CA10: variants seen among roughly 807,000 people sequenced by gnomAD.
The protein encoded by CA10 is carbonic anhydrase 10 (inactive), also known as carbonic anhydrase-related protein 10.
A neutral mutation model predicts 44.2 loss-of-function variants in CA10; 14 were observed. The ratio of observed to expected loss-of-function variants is 0.32; its 90% CI spans 0.21 to 0.50. The LOEUF (loss-of-function observed/expected upper bound fraction) is 0.50. Ranked by LOEUF, CA10 falls within the 20% of genes least tolerant of loss-of-function variation. The pLI is 0.99. For synonymous variants in CA10, 159 were observed against 141.6 expected (o/e 1.12, Z -0.87); for missense variants, 350 against 409.7 (o/e 0.85, Z 1.26).
At chr17:52,078,514 T>C (rs1987877520) in intron 1 of CA10, among the ~76,000 whole-genome samples, 1 of 152,352 alleles carries the variant, frequency 6.6e-6, no homozygotes, top group East Asian at 1.9e-4. Context: ...TTCATTTTAA[T>C]GTAATGGTAG....
At chr17:52,140,795 G>C (rs569858887) in intron 1 of CA10, among the ~76,000 whole-genome samples, 1 of 152,120 alleles carries the variant, frequency 6.6e-6, no homozygotes, top group Non-Finnish European at 1.5e-5. Context: ...AGCCTAAGCC[G>C]CTGCTTCTTG....
At chr17:52,079,608 G>C (rs1598203801) in intron 1 of CA10, among the ~76,000 whole-genome samples, 1 of 152,254 alleles carries the variant, frequency 6.6e-6, no homozygotes, top group African/African-American at 2.4e-5. Flanking sequence ...GGAGGTTTTA[G>C]TCTCTATCCA....
At chr17:51,668,337 A>G (rs2143338561) in intron 4 of CA10, among the ~76,000 whole-genome samples, 1 of 152,300 alleles carries the variant, frequency 6.6e-6, no homozygotes, top group Non-Finnish European at 1.5e-5. Context: ...AGAGAAACCC[A>G]GCTCTTGCAG....
chr17:51,788,411 T>A (rs753301835), intron 3 of CA10, among the ~76,000 whole-genome samples: 11 of 152,210 alleles, frequency 7.2e-5, no homozygotes, highest in Non-Finnish European at 1.3e-4. Context: ...AGGAAACAAA[T>A]GTGTATTCTG....
At chr17:51,844,262 A>G (rs1203268771) in intron 3 of CA10, among the ~76,000 whole-genome samples, 1 of 152,204 alleles carries the variant, frequency 6.6e-6, no homozygotes, top group Non-Finnish European at 1.5e-5. Flanking sequence ...AATACTTGAA[A>G]TTTGTAAAAT....
intron 4 of CA10, among the ~76,000 whole-genome samples, chr17:51,734,266 A>G (rs932457295): frequency 3.9e-5 from 6 of 151,962 alleles, no homozygotes; most frequent in Non-Finnish European, 7.4e-5. Flanking sequence ...TCCTTAATCA[A>G]TGGTTTATAC....
At chr17:52,102,420 G>A (rs1220874211) in intron 1 of CA10, among the ~76,000 whole-genome samples, 1 of 152,210 alleles carries the variant, frequency 6.6e-6, no homozygotes, top group African/African-American at 2.4e-5. Context: ...AGAAGACAGA[G>A]ATAGGCCTTG....
chr17:52,133,352 T>C (rs902455833), intron 1 of CA10, among the ~76,000 whole-genome samples: 1 of 152,106 alleles, frequency 6.6e-6, no homozygotes, highest in Non-Finnish European at 1.5e-5. Flanking sequence ...CAGAAGGCCT[T>C]TAAATGTCTA....
chr17:51,942,608 C>T (rs1983127899), intron 2 of CA10, among the ~76,000 whole-genome samples: 1 of 150,334 alleles, frequency 6.7e-6, no homozygotes, highest in Non-Finnish European at 1.5e-5. Context: ...GCTTTGAATG[C>T]TTTGAATATT....
chr17:51,878,143 CAAAAAAAAAAAAAAAA>C (rs558014863), intron 3 of CA10, among the ~76,000 whole-genome samples: 1 of 63,686 alleles, frequency 1.6e-5, no homozygotes, highest in Non-Finnish European at 2.7e-5. Context: ...GACTCCGTCT[CAAAAAAAAAAAAAAAA>C]AAAAAAAAGA....
intron 2 of CA10, among the ~76,000 whole-genome samples, chr17:51,989,841 T>G (rs1206996655): frequency 1.3e-5 from 2 of 152,182 alleles, no homozygotes; most frequent in Admixed American, 6.6e-5. Flanking sequence ...TGTTTTCTGC[T>G]GTAATCCTCT....
intron 2 of CA10, among the ~76,000 whole-genome samples, chr17:51,979,892 T>C (rs1192966938): frequency 6.6e-6 from 1 of 152,154 alleles, no homozygotes; most frequent in African/African-American, 2.4e-5. Flanking sequence ...ATGGTATATT[T>C]GTACCTCATT....
intron 1 of CA10, among the ~76,000 whole-genome samples, chr17:52,123,785 A>T (rs951122795): frequency 1.3e-5 from 2 of 152,214 alleles, no homozygotes; most frequent in African/African-American, 4.8e-5. Flanking sequence ...TTTATTGAAT[A>T]AATAAATGAA....
intron 3 of CA10, among the ~76,000 whole-genome samples, chr17:51,797,602 TC>T (rs1906763304): frequency 6.6e-6 from 1 of 152,020 alleles, no homozygotes; most frequent in South Asian, 2.1e-4. Context: ...ACACCTGTAA[TC>T]CCAGCACTTT....
At chr17:51,701,546 G>A (rs1915604614) in intron 4 of CA10, among the ~76,000 whole-genome samples, 1 of 151,950 alleles carries the variant, frequency 6.6e-6, no homozygotes, top group South Asian at 2.1e-4. Context: ...GAAGATTGGG[G>A]CCTTTAATAT....
intron 3 of CA10, among the ~76,000 whole-genome samples, chr17:51,802,379 G>T (rs1190173106): frequency 6.6e-6 from 1 of 151,984 alleles, no homozygotes; most frequent in Admixed American, 6.6e-5. Context: ...ACTCTGCCAT[G>T]CACTCTCCAA....
chr17:51,802,154 G>A (rs1299864833), intron 3 of CA10, among the ~76,000 whole-genome samples: 1 of 152,164 alleles, frequency 6.6e-6, no homozygotes, highest in African/African-American at 2.4e-5. Flanking sequence ...GCCTATCTAT[G>A]GATTTAGCTA....
intron 2 of CA10, among the ~76,000 whole-genome samples, chr17:51,948,659 C>CT (rs1344009618): frequency 1.3e-5 from 2 of 152,138 alleles, no homozygotes; most frequent in East Asian, 1.9e-4. Context: ...TTTATTATGA[C>CT]TTTTTTGTGG....
chr17:51,946,305 C>T (rs1205481517), intron 2 of CA10, among the ~76,000 whole-genome samples: 1 of 152,038 alleles, frequency 6.6e-6, no homozygotes, highest in East Asian at 1.9e-4. Context: ...AGTGTTTTCA[C>T]CACAAAAAAA....
Sources: allele counts gnomAD v4.1 joint callset (sites outside exome capture counted in the v4.1 genomes callset), GRCh38; gene constraint gnomAD v4.1.1; transcripts MANE v1.5; gene names NCBI Gene and HGNC (gene_info 2026-07-23, HGNC 2026-07-21).